Variants in SENP6 observed in about 807,000 individuals in gnomAD.
SENP6 encodes sentrin-specific protease 6.
SENP6 carries 41 observed loss-of-function variants against 134.5 expected under a neutral mutation model. The ratio of observed to expected loss-of-function variants is 0.30; its 90% CI spans 0.24 to 0.40. SENP6 has a LOEUF of 0.40. Ranked by LOEUF, SENP6 falls within the 10% of genes least tolerant of loss-of-function variation. SENP6 has a pLI of 1.00. For missense variants in SENP6, 1,248 were observed against 1,312.5 expected, an observed-to-expected ratio of 0.95 and a Z score of 0.76; for synonymous variants, 395 against 429.8, an observed-to-expected ratio of 0.92 and a Z score of 1.00.
At chr6:75,696,024 CT>C in intron 17 of SENP6, 101 bp downstream of exon 17, 1 of 1,048,420 alleles carries the variant, frequency 9.5e-7, no homozygotes. Flanking sequence ...CTGCAGTTCT[CT>C]TGCTTACTTT....
At chr6:75,686,133 C>G (rs1343155285) in intron 16 of SENP6, among the ~76,000 whole-genome samples, 1 of 152,126 alleles carries the variant, frequency 6.6e-6, no homozygotes, top group Non-Finnish European at 1.5e-5. Flanking sequence ...TGAATTGATC[C>G]CTTTACCATT....
intron 6 of SENP6, among the ~76,000 whole-genome samples, chr6:75,644,351 T>G (rs1770262722): frequency 6.6e-6 from 1 of 152,106 alleles, no homozygotes; most frequent in East Asian, 1.9e-4. Context: ...ACGAGTTCTC[T>G]CTAAATACTG....
intron 5 of SENP6, among the ~76,000 whole-genome samples, chr6:75,637,303 C>T (rs1389095796): frequency 5.9e-5 from 9 of 152,106 alleles, no homozygotes; most frequent in South Asian, 2.1e-4. Flanking sequence ...CTGAGTAATT[C>T]GTAGTTCTTT....
At chr6:75,668,136 TTTACTTATTTAC>T (rs1471104805) in intron 10 of SENP6, among the ~76,000 whole-genome samples, 1 of 152,100 alleles carries the variant, frequency 6.6e-6, no homozygotes, top group Non-Finnish European at 1.5e-5. Flanking sequence ...AATATATGGA[TTTACTTATTTAC>T]TTACTTATTT....
intron 9 of SENP6, among the ~76,000 whole-genome samples, chr6:75,665,983 G>T (rs763149666): frequency 6.7e-6 from 1 of 150,262 alleles, no homozygotes; most frequent in Non-Finnish European, 1.5e-5. Flanking sequence ...ACAAGATCGC[G>T]CACTGTACTC....
At chr6:75,704,761 G>A in intron 19 of SENP6, among the ~76,000 whole-genome samples, 1 of 152,188 alleles carries the variant, frequency 6.6e-6, no homozygotes, top group Non-Finnish European at 1.5e-5. Flanking sequence ...GCTTTCCAGG[G>A]CAGAGGTCCC....
intron 1 of SENP6, among the ~76,000 whole-genome samples, chr6:75,606,166 T>C (rs1767012885): frequency 6.6e-6 from 1 of 152,214 alleles, no homozygotes; most frequent in Non-Finnish European, 1.5e-5. Context: ...CTGAAGTATG[T>C]TTTATATCTT....
intron 8 of SENP6, among the ~76,000 whole-genome samples, chr6:75,661,398 A>G (rs1270021248): frequency 6.6e-6 from 1 of 152,188 alleles, no homozygotes; most frequent in Non-Finnish European, 1.5e-5. Context: ...TCCTCCCTAA[A>G]TACAACATCT....
At chr6:75,642,371 C>T (rs1281588169) in intron 6 of SENP6, among the ~76,000 whole-genome samples, 3 of 152,162 alleles carry the variant, frequency 2.0e-5, no homozygotes, top group Admixed American at 6.5e-5. Flanking sequence ...TTCTTTAAAT[C>T]GCATATTCAG....
Position 75,678,804 on chromosome 6 carries a change from GT to G in SENP6, c.1959-5del. 6.5e-7 allele frequency: 1 copy of G among 1,543,982 alleles called. No homozygotes were observed. Among genetic ancestry groups the G allele is most frequent in the South Asian group, 1.1e-5 (1 of 88,480 alleles). On this transcript the variant is annotated splice_polypyrimidine_tract_variant and splice_region_variant and intron_variant, in intron 15 of 23. Transcript: ENST00000447266. ...GTTTATTTGCTTGCCTTCTAATTTT[GT>G]TACAGGTTGATAGTATATCCACCAC... is the stretch of plus-strand genomic sequence containing the variant.
Position 75,701,011 on chromosome 6 carries a change from G to A in SENP6, c.2289-1634G>A, listed in dbSNP as rs1312276090. On this transcript the variant is annotated intron_variant, in intron 18 of 23. Transcript: ENST00000447266. ...TGGACTTCGCAATACAGAAGATGAA[G>A]CCAGCCAGCCTATGACAGCCATTTC... Among the ~76,000 whole-genome samples, 2 of 152,160 alleles carry A rather than the reference G, an allele frequency of 1.3e-5. 1 individual carries two copies. Among genetic ancestry groups the A allele is most frequent in the Admixed American group, 1.3e-4 (2 of 15,258 alleles).
At chr6:75,697,293 C>G (rs111284064) in intron 17 of SENP6, 132 bp from the exon 18 acceptor site, 1 of 601,254 alleles carries the variant, frequency 1.7e-6, no homozygotes, top group Admixed American at 3.2e-5. Flanking sequence ...ATTTTCTTTC[C>G]CCAGTTTGTC....
At chr6:75,641,359 A>C (rs1389540174) in intron 6 of SENP6, among the ~76,000 whole-genome samples, 6 of 152,138 alleles carry the variant, frequency 3.9e-5, no homozygotes, top group African/African-American at 1.4e-4. Context: ...AATCTTTATC[A>C]TTATATTTTA....
intron 10 of SENP6, among the ~76,000 whole-genome samples, chr6:75,669,229 A>G (rs1351990850): frequency 2.0e-5 from 3 of 152,026 alleles, no homozygotes; most frequent in Non-Finnish European, 4.4e-5. Flanking sequence ...GTGTGTGCCT[A>G]TAATCCCAGC....
chr6:75,659,179 T>C (rs1771581568), intron 7 of SENP6, 83 bp from the exon 8 acceptor site: 31 of 985,156 alleles, frequency 3.1e-5, no homozygotes, highest in Non-Finnish European at 4.5e-5. Flanking sequence ...ATTGGTTTAG[T>C]CTTATGTTCT....
chr6:75,674,771 C>T (rs1402748797), intron 11 of SENP6, among the ~76,000 whole-genome samples: 1 of 152,104 alleles, frequency 6.6e-6, no homozygotes, highest in Admixed American at 6.6e-5. Flanking sequence ...TTTGCTTTCT[C>T]TTTTTATATT....
At position 75,612,542 on chromosome 6, in the gene SENP6, G is replaced by T. The variant is rs547533714; in HGVS notation, c.53-8990G>T. 2.0e-5 allele frequency among the ~76,000 whole-genome samples: 3 copies of T among 152,086 alleles called. No individual in the cohort carries two copies. The East Asian group carries it at 5.8e-4, about 29-fold the overall frequency. The stretch of plus-strand genomic sequence containing the variant: ...GACAGAGTGTCACTATGCTGCTCAG[G>T]CTGCTCTCGACTTCTGGCCTCAAGC... On this transcript the variant is annotated intron_variant, in intron 1 of 23. Coordinates refer to ENST00000447266, the MANE Select transcript of SENP6 (RefSeq NM_015571.4).
At chr6:75,628,484 G>A (rs1279402784) in intron 3 of SENP6, among the ~76,000 whole-genome samples, 1 of 151,972 alleles carries the variant, frequency 6.6e-6, no homozygotes, top group Non-Finnish European at 1.5e-5. Flanking sequence ...TTTAAAATGG[G>A]TGAGGCTGAT....
At chr6:75,621,872 G>C (rs1398442630) in intron 2 of SENP6, among the ~76,000 whole-genome samples, 1 of 151,994 alleles carries the variant, frequency 6.6e-6, no homozygotes, top group Non-Finnish European at 1.5e-5. Flanking sequence ...ATTAAAAATT[G>C]ACTGTACAAT....
Sources: allele counts gnomAD v4.1 joint callset (sites outside exome capture counted in the v4.1 genomes callset), GRCh38; gene constraint gnomAD v4.1.1; transcripts MANE v1.5; gene names NCBI Gene and HGNC (gene_info 2026-07-23, HGNC 2026-07-21).